OSBPL9: variants seen among roughly 807,000 people sequenced by gnomAD.
OSBPL9 encodes the protein oxysterol binding protein like 9, also known as oxysterol-binding protein-related protein 9.
OSBPL9 carries 40 observed loss-of-function variants against 106.6 expected under a neutral mutation model. The ratio of observed to expected loss-of-function variants is 0.38; its 90% confidence interval spans 0.29 to 0.49. The LOEUF is 0.49. OSBPL9 is among the 20% of genes least tolerant of loss of function. The pLI is 0.97. For synonymous variants in OSBPL9, 269 were observed against 295.4 expected, an observed-to-expected ratio of 0.91 and a Z score of 0.92; for missense variants, 609 against 887.2, an observed-to-expected ratio of 0.69 and a Z score of 3.98.
At chr1:51,697,040 G>C (rs1036476168) in intron 3 of OSBPL9, among the ~76,000 whole-genome samples, 1 of 151,858 alleles carries the variant, frequency 6.6e-6, no homozygotes, top group Non-Finnish European at 1.5e-5. Context: ...TGTGCCTGTG[G>C]TCCTAACTAC....
rs577797212 is a variant in OSBPL9 at position 51,669,709 on chromosome 1, C to A, written c.241+197C>A. On this transcript the variant is annotated intron_variant, in intron 3 of 23. Transcript: ENST00000428468. ...GCAATGGATGTAGATCGATTTGAAACGACTGTGGATCTGGCTGCAGTTGGA... is the reference window on the plus strand; with the variant it reads ...GCAATGGATGTAGATCGATTTGAAAAGACTGTGGATCTGGCTGCAGTTGGA... 28 of 668,620 alleles carry A rather than the reference C, an allele frequency of 4.2e-5. No individual in the cohort carries two copies. In the East Asian group the frequency reaches 8.1e-4, roughly 19 times the overall value. The allele number at this position is 668,620 out of a possible 1,614,324, so 41.4% of individuals were successfully genotyped here. A position where few individuals can be genotyped will look rare whatever the true frequency, so the allele number is the denominator to read the frequency against.
intron 16 of OSBPL9, 138 bp from the exon 17 acceptor site, chr1:51,782,420 GT>G (rs1197363842): frequency 1.7e-6 from 1 of 594,476 alleles, no homozygotes; most frequent in Non-Finnish European, 2.9e-6. Flanking sequence ...TTAAAATATT[GT>G]AGTTAAGTTC....
chr1:51,530,179 A>AC, the OSBPL9 span, among the ~76,000 whole-genome samples: 1 of 114,122 alleles, frequency 8.8e-6, no homozygotes, highest in African/African-American at 4.1e-5. Flanking sequence ...TCAAAAAAAA[A>AC]AAAAAAAAAA....
chr1:51,784,399 C>T (rs1256879663), intron 19 of OSBPL9, 43 bp from the exon 20 acceptor site: 1 of 1,612,628 alleles, frequency 6.2e-7, no homozygotes, highest in Non-Finnish European at 8.5e-7. Flanking sequence ...TCCCCCTCTT[C>T]CTCTTAACTG....
chr1:51,637,347 G>A (rs1050142710), intron 1 of OSBPL9, among the ~76,000 whole-genome samples: 2 of 152,142 alleles, frequency 1.3e-5, no homozygotes, highest in East Asian at 1.9e-4. Context: ...AAAATTAGCC[G>A]GGCTTGGTGG....
intron 4 of OSBPL9, among the ~76,000 whole-genome samples, chr1:51,720,089 T>A (rs889709944): frequency 3.9e-5 from 6 of 152,226 alleles, no homozygotes; most frequent in African/African-American, 1.4e-4. Context: ...GTGTCACTTC[T>A]ATGACAAGTA....
chr1:51,529,781 G>A, the OSBPL9 span, among the ~76,000 whole-genome samples: 2 of 150,428 alleles, frequency 1.3e-5, no homozygotes, highest in African/African-American at 2.5e-5. Context: ...GAACCCCTAC[G>A]TCATACCAGA....
chr1:51,645,771 AGGTCTTGG>A (rs1646116524), intron 1 of OSBPL9, among the ~76,000 whole-genome samples: 1 of 152,086 alleles, frequency 6.6e-6, no homozygotes, highest in Admixed American at 6.6e-5. Flanking sequence ...CTTTAAATTT[AGGTCTTGG>A]ATCCATTTTG....
At chr1:51,766,297 A>C (rs1672544709) in intron 12 of OSBPL9, among the ~76,000 whole-genome samples, 1 of 152,232 alleles carries the variant, frequency 6.6e-6, no homozygotes, top group Non-Finnish European at 1.5e-5. Context: ...CCGTTTCTAC[A>C]GTACCAACAT....
chr1:51,614,789 G>T (rs2148607197), upstream of OSBPL9, among the ~76,000 whole-genome samples: 1 of 152,160 alleles, frequency 6.6e-6, no homozygotes, highest in South Asian at 2.1e-4. Context: ...AACCTTTGTA[G>T]ACAGCTACTA....
At chr1:51,551,553 C>T in the OSBPL9 span, among the ~76,000 whole-genome samples, 263 of 152,122 alleles carry the variant, frequency 1.7e-3, no homozygotes, top group African/African-American at 6.3e-3. Flanking sequence ...CTGGCATCTT[C>T]CAACAGTCAT....
At chr1:51,764,752 TTATC>T (rs1266716863) in intron 11 of OSBPL9, among the ~76,000 whole-genome samples, 1 of 152,062 alleles carries the variant, frequency 6.6e-6, no homozygotes, top group African/African-American at 2.4e-5. Context: ...GCTAATTTAT[TTATC>T]TATTTTTTTA....
intron 22 of OSBPL9, among the ~76,000 whole-genome samples, chr1:51,786,976 C>T (rs1677791091): frequency 6.6e-6 from 1 of 152,212 alleles, no homozygotes; most frequent in Admixed American, 6.5e-5. Flanking sequence ...TGGAACTTCT[C>T]AGTTCCTCTA....
Position 51,661,448 on chromosome 1 carries a change from A to G in OSBPL9, c.163-7986A>G, listed in dbSNP as rs72898009. On this transcript the variant is annotated intron_variant, in intron 2 of 23. Transcript: ENST00000428468. Reference sequence around the variant, plus strand: ...AAAAACGAAAAGAGAGAAAGTCAGGAAATTCATCCAGTGGGACAAGACTGT... The same window carrying G: ...AAAAACGAAAAGAGAGAAAGTCAGGGAATTCATCCAGTGGGACAAGACTGT... 7.1e-3 allele frequency among the ~76,000 whole-genome samples: 1,087 copies of G among 152,316 alleles called. 9 individuals are homozygous for G. Among genetic ancestry groups the G allele is most frequent in the African/African-American group, 0.025 (1,045 of 41,576 alleles).
intron 3 of OSBPL9, chr1:51,707,275 A>C (rs1658758540): frequency 4.5e-6 from 1 of 223,832 alleles, no homozygotes; most frequent in African/African-American, 2.3e-5. Context: ...AAGGTGGAAG[A>C]GTGGTTCTCA....
chr1:51,676,846 G>A (rs1161412187), intron 3 of OSBPL9, among the ~76,000 whole-genome samples: 1 of 152,140 alleles, frequency 6.6e-6, no homozygotes, highest in Non-Finnish European at 1.5e-5. Flanking sequence ...TGTTCTACAT[G>A]TTCCATTACT....
intron 1 of OSBPL9, among the ~76,000 whole-genome samples, chr1:51,632,787 G>A (rs895437524): frequency 6.6e-6 from 1 of 152,006 alleles, no homozygotes; most frequent in Admixed American, 6.6e-5. Context: ...GTCTACCTTG[G>A]AATTTTATCA....
chr1:51,536,119 G>C, the OSBPL9 span, among the ~76,000 whole-genome samples: 1 of 152,024 alleles, frequency 6.6e-6, no homozygotes, highest in African/African-American at 2.4e-5. Context: ...TACCCACTCA[G>C]TATGACAATC....
intron 3 of OSBPL9, among the ~76,000 whole-genome samples, chr1:51,679,760 A>G (rs955817629): frequency 6.6e-6 from 1 of 152,156 alleles, no homozygotes; most frequent in Non-Finnish European, 1.5e-5. Context: ...GTGTACTGCA[A>G]TGTTTGTGTT....
Sources: allele counts gnomAD v4.1 joint callset (sites outside exome capture counted in the v4.1 genomes callset), GRCh38; gene constraint gnomAD v4.1.1; transcripts MANE v1.5; gene names NCBI Gene and HGNC (gene_info 2026-07-23, HGNC 2026-07-21).